Variants in THOC5 observed in about 807,000 individuals in gnomAD.
The protein encoded by THOC5 is Fms-interacting protein.
A neutral mutation model predicts 92.9 loss-of-function variants in THOC5; 43 were observed. The observed-to-expected ratio is 0.46, with a 90% CI of 0.36 to 0.60. THOC5 has a LOEUF of 0.60. Ranked by LOEUF, THOC5 falls within the 20% of genes least tolerant of loss-of-function variation. The pLI, the probability that THOC5 is intolerant of heterozygous loss-of-function variation, is 0.00. For synonymous variants in THOC5, 296 were observed against 320.1 expected, an observed-to-expected ratio of 0.92 and a Z score of 0.80; for missense variants, 659 against 849.4, an observed-to-expected ratio of 0.78 and a Z score of 2.79.
intron 7 of THOC5, 69 bp from the exon 8 acceptor site, chr22:29,532,032 A>G: frequency 6.4e-7 from 1 of 1,564,022 alleles, no homozygotes; most frequent in Non-Finnish European, 8.7e-7. Flanking sequence ...GTGGCTACTT[A>G]GTGACCGTAA....
chr22:29,519,185 C>CT (rs1193983894), intron 14 of THOC5, 65 bp from the exon 15 acceptor site: 2 of 1,100,126 alleles, frequency 1.8e-6, no homozygotes, highest in East Asian at 5.0e-5. Flanking sequence ...CACCATCTCT[C>CT]TCCTGGGACC....
At chr22:29,514,916 G>T (rs995654817) in intron 17 of THOC5, among the ~76,000 whole-genome samples, 1 of 151,926 alleles carries the variant, frequency 6.6e-6, no homozygotes. Flanking sequence ...TGTTGGCCAG[G>T]CTGGTCTTGA....
chr22:29,549,658 C>T (rs2064101863), intron 1 of THOC5, among the ~76,000 whole-genome samples: 1 of 152,198 alleles, frequency 6.6e-6, no homozygotes, highest in Admixed American at 6.5e-5. Context: ...TCATAATGCA[C>T]TGAATATCCA....
chr22:29,511,950 G>A lies in THOC5; in HGVS notation c.1797+71C>T, dbSNP rs533944849. The stretch of plus-strand genomic sequence containing the variant: ...GGCAGTGCCCAAGTCCTCAGCTGCA[G>A]TGGGTTCTGCCACGGCCACCTCCCC... On this transcript the variant is annotated intron_variant, in intron 18 of 19. Transcript: ENST00000490103. The A allele has an allele frequency of 1.9e-4, 246 of 1,299,346 alleles. 1 individual carries two copies. The South Asian group carries it at 2.7e-3, about 14-fold the overall frequency. 80.5% of individuals were successfully genotyped at this position (1,299,346 alleles called of 1,614,324 possible). A position where few individuals can be genotyped will look rare whatever the true frequency, so the allele number is the denominator to read the frequency against.
rs564185493 is a variant in THOC5 at position 29,535,901 on chromosome 22, C to G, written c.714+723G>C. The G allele has an allele frequency of 6.6e-5, 10 of 152,298 alleles. No individual in the cohort carries two copies. In the South Asian group the frequency reaches 2.1e-3, roughly 32 times the overall value. The allele number at this position is 152,298 out of a possible 1,614,324, so 9.4% of individuals were successfully genotyped here. A position where few individuals can be genotyped will look rare whatever the true frequency, so the allele number is the denominator to read the frequency against. ...TATTGCCCAGGCTGGTCTCAAACTC[C>G]TGGGCTCAAGTGATCCTCCCCCCTC... On this transcript the variant is annotated intron_variant, in intron 7 of 19. Transcript: ENST00000490103.
At chr22:29,552,380 A>G (rs186233799) in intron 1 of THOC5, among the ~76,000 whole-genome samples, 1,663 of 143,654 alleles carry the variant, frequency 0.012, 28 homozygotes, top group African/African-American at 0.042. Flanking sequence ...AGATGTGGGG[A>G]GCACCTCTGC....
At chr22:29,545,124 C>A in intron 2 of THOC5, 1 of 418,376 alleles carries the variant, frequency 2.4e-6, no homozygotes, top group Non-Finnish European at 4.7e-6. Flanking sequence ...TCTTATGTGG[C>A]GGCGGCAAGA....
chr22:29,530,787 GCC>G (rs2063638368), intron 8 of THOC5, among the ~76,000 whole-genome samples: 1 of 152,070 alleles, frequency 6.6e-6, no homozygotes, highest in African/African-American at 2.4e-5. Context: ...GGTCAGACAG[GCC>G]ACCACCGTCC....
chr22:29,531,582 G>C, intron 8 of THOC5: 1 of 1,222,084 alleles, frequency 8.2e-7, no homozygotes, highest in Non-Finnish European at 1.0e-6. Flanking sequence ...CTGCACCCAA[G>C]AGCTGTCCAG....
chr22:29,550,448 G>T lies in THOC5; in HGVS notation c.-11-1290C>A, dbSNP rs146888345. Among the ~76,000 whole-genome samples the T allele has an allele frequency of 7.4e-3, 1,121 of 151,968 alleles. 16 individuals are homozygous for T. The highest frequency in any genetic ancestry group is 0.026 in the African/African-American group (1,070 of 41,422). On this transcript the variant is annotated intron_variant, in intron 1 of 19. Coordinates refer to ENST00000490103, the MANE Select transcript of THOC5 (RefSeq NM_003678.5). ...CTACAGTCACAAAGCATCCTCCCTT[G>T]TTGCCTCACCACAGCCTCCTGAGGT...
intron 9 of THOC5, 126 bp downstream of exon 9, chr22:29,529,036 G>T: frequency 1.1e-6 from 1 of 922,088 alleles, no homozygotes. Context: ...CTACTCCAGG[G>T]TGCTAAGACA....
chr22:29,546,785 C>T (rs2064030814), intron 2 of THOC5, among the ~76,000 whole-genome samples: 2 of 151,482 alleles, frequency 1.3e-5, no homozygotes, highest in Non-Finnish European at 2.9e-5. Context: ...ATTTTCCAAA[C>T]TTTTATGCTC....
At chr22:29,509,231 A>G (rs1157917812) in intron 19 of THOC5, among the ~76,000 whole-genome samples, 8 of 150,366 alleles carry the variant, frequency 5.3e-5, no homozygotes, top group African/African-American at 2.0e-4. Flanking sequence ...AGCCGAGATC[A>G]TGCTACTACA....
chr22:29,539,472 T>C lies in THOC5; in HGVS notation c.457A>G (p.Lys153Glu). 6.2e-7 allele frequency: 1 copy of C among 1,612,870 alleles called. No homozygotes were observed. The highest frequency in any genetic ancestry group is 8.5e-7 in the Non-Finnish European group (1 of 1,179,710). ...EITKCLEFKS[K>E]HEEIDLVSLE... ...CTGACCAGATCAATTTCTTCATGCT[T>C]TGACCTACAGACAAAAACATGACAT... is the stretch of plus-strand genomic sequence containing the variant. The change falls in exon 6 of 20, where the codon AAG (lysine) becomes GAG (glutamate). Residue 153 changes from lysine (K) to glutamate (E), a missense_variant. Physicochemically the swap from Lys to Glu is moderately conservative, Grantham distance 56. Transcript: ENST00000490103.
At chr22:29,548,625 AAAG>A (rs1569236707) in intron 2 of THOC5, among the ~76,000 whole-genome samples, 1 of 152,144 alleles carries the variant, frequency 6.6e-6, no homozygotes, top group Non-Finnish European at 1.5e-5. Flanking sequence ...AAACAGACAA[AAAG>A]AAGAAAAGAA....
At chr22:29,512,975 T>A (rs533186443) in intron 17 of THOC5, among the ~76,000 whole-genome samples, 3 of 152,328 alleles carry the variant, frequency 2.0e-5, no homozygotes, top group South Asian at 4.1e-4. Flanking sequence ...GGGGGGAGAC[T>A]TTCACTCTCT....
chr22:29,528,587 AT>A, intron 9 of THOC5, 121 bp from the exon 10 acceptor site: 1 of 901,050 alleles, frequency 1.1e-6, no homozygotes, highest in Non-Finnish European at 1.7e-6. Context: ...TTTCTCTGTA[AT>A]AAATAATAAA....
At position 29,531,908 on chromosome 22, in the gene THOC5, T is replaced by G. The variant is rs766479621; in HGVS notation, c.770A>C (p.Gln257Pro). 6.2e-7 allele frequency: 1 copy of G among 1,614,230 alleles called. No individual in the cohort carries two copies. The highest frequency in any genetic ancestry group is 8.5e-7 in the Non-Finnish European group (1 of 1,180,042). ...CGGCAGGTGTCTGGCTGTCTCATAC[T>G]GCTTGTGAGCCTGGTCGAATGGCAT... ...LFMPFDQAHK[Q>P]YETARHLPPP... is the part of the protein sequence containing the mutation. Residue 257 changes from glutamine to proline, a missense_variant, in exon 8 of 20, where the codon CAG becomes CCG. By Grantham distance (76) the Gln-to-Pro change is moderately conservative. Transcript: ENST00000490103.
At chr22:29,546,593 C>T (rs2064025672) in intron 2 of THOC5, among the ~76,000 whole-genome samples, 1 of 151,852 alleles carries the variant, frequency 6.6e-6, no homozygotes, top group South Asian at 2.1e-4. Flanking sequence ...GCACCTGCCA[C>T]CAGGCCCGGC....
Sources: gnomAD v4.1 joint callset for allele counts (sites outside exome capture counted in the v4.1 genomes callset) on GRCh38, gnomAD v4.1.1 for gene constraint, MANE v1.5 for transcripts, NCBI Gene and HGNC (gene_info 2026-07-23, HGNC 2026-07-21) for gene names.